DNAJB6: variants seen among roughly 807,000 people sequenced by gnomAD.
DNAJB6 encodes the protein dnaJ homolog subfamily B member 6.
DNAJB6 carries 16 observed loss-of-function variants against 42.7 expected under a neutral mutation model. The observed-to-expected ratio is 0.37, with a 90% CI of 0.25 to 0.57. The LOEUF is 0.57. DNAJB6 is among the 20% of genes least tolerant of loss of function. The pLI is 0.74. For missense variants in DNAJB6, 347 were observed against 416.8 expected (o/e 0.83, Z 1.46); for synonymous variants, 170 against 163.5 (o/e 1.04, Z -0.30).
chr7:157,386,948 C>A (rs989777799), intron 8 of DNAJB6, among the ~76,000 whole-genome samples: 11 of 151,428 alleles, frequency 7.3e-5, no homozygotes, highest in African/African-American at 2.7e-4. Flanking sequence ...TAATATCTTT[C>A]ATGATTACCA....
rs369130889 is a variant in DNAJB6, at chr7:157,398,192, T to G, written c.692-11603T>G. On this transcript the variant is annotated intron_variant, in intron 8 of 9. Transcript: ENST00000262177. ...CACATTGTTTGGAGTCTGTCCACCC[T>G]TGAGCTCCCTAGGAGTGAGGGCAGG... is the stretch of plus-strand genomic sequence containing the variant. 1.6e-3 allele frequency among the ~76,000 whole-genome samples: 250 copies of G among 152,344 alleles called. 2 individuals carry two copies. The highest frequency in any genetic ancestry group is 4.7e-3 in the Admixed American group (72 of 15,304).
intron 1 of DNAJB6, among the ~76,000 whole-genome samples, chr7:157,358,121 G>A (rs1037932592): frequency 5.3e-5 from 8 of 152,180 alleles, no homozygotes; most frequent in African/African-American, 1.9e-4. Flanking sequence ...GGGACAACGT[G>A]TTTGTCCTTG....
chr7:157,387,137 G>A (rs1051768228), intron 8 of DNAJB6, among the ~76,000 whole-genome samples: 3 of 152,188 alleles, frequency 2.0e-5, no homozygotes, highest in South Asian at 2.1e-4. Context: ...CTCGGGATAC[G>A]CCAGAGCCCT....
rs1796103910 is a variant in DNAJB6 at position 157,416,176 on chromosome 7, A to G, written c.*78A>G. 6.4e-7 allele frequency: 1 copy of G among 1,561,306 alleles called. No homozygotes were observed. Among genetic ancestry groups the G allele is most frequent in the East Asian group, 2.4e-5 (1 of 41,710 alleles). On this transcript the variant is annotated 3_prime_UTR_variant, in exon 10 of 10. Coordinates refer to ENST00000262177, the MANE Select transcript of DNAJB6 (RefSeq NM_058246.4). ...CGGCATGCGGTCGTGCACACGCGCT[A>G]GGTAGCAGCGTCGGTCAGGACTGTC...
chr7:157,399,503 A>G (rs967404486), intron 8 of DNAJB6, among the ~76,000 whole-genome samples: 2 of 152,218 alleles, frequency 1.3e-5, no homozygotes, highest in South Asian at 2.1e-4. Flanking sequence ...TGCAGCGCTC[A>G]GTGCTGGGAT....
chr7:157,351,039 A>G (rs763509324), intron 1 of DNAJB6, among the ~76,000 whole-genome samples: 3 of 151,852 alleles, frequency 2.0e-5, no homozygotes, highest in African/African-American at 4.8e-5. Context: ...GGTTCAAGCA[A>G]TTCTCCTGCC....
chr7:157,343,114 T>G (rs2116858484), intron 1 of DNAJB6, among the ~76,000 whole-genome samples: 1 of 152,110 alleles, frequency 6.6e-6, no homozygotes, highest in East Asian at 1.9e-4. Context: ...GCTTCAGCCT[T>G]CTTTCTGAGT....
intron 2 of DNAJB6, among the ~76,000 whole-genome samples, chr7:157,360,049 G>C (rs889839243): frequency 3.9e-5 from 6 of 152,210 alleles, no homozygotes; most frequent in African/African-American, 1.4e-4. Context: ...ATAAGACGAA[G>C]ACAGTTGGGA....
At chr7:157,406,322 C>T (rs1795766013) in intron 8 of DNAJB6, among the ~76,000 whole-genome samples, 3 of 152,236 alleles carry the variant, frequency 2.0e-5, no homozygotes, top group Admixed American at 2.0e-4. Context: ...CATCTTCTTT[C>T]CTCAAGTCAC....
At chr7:157,338,627 C>T (rs924995012) in intron 1 of DNAJB6, among the ~76,000 whole-genome samples, 16 of 152,352 alleles carry the variant, frequency 1.1e-4, no homozygotes, top group South Asian at 8.3e-4. Flanking sequence ...AGCCACCGCG[C>T]CTCGCCGACT....
intron 1 of DNAJB6, among the ~76,000 whole-genome samples, chr7:157,348,671 C>A (rs1487358184): frequency 6.6e-6 from 1 of 152,060 alleles, no homozygotes; most frequent in Admixed American, 6.6e-5. Flanking sequence ...TTTCCACATA[C>A]TCCTGTTGAG....
intron 1 of DNAJB6, among the ~76,000 whole-genome samples, chr7:157,340,684 T>G (rs533731455): frequency 3.5e-4 from 53 of 152,336 alleles, no homozygotes; most frequent in African/African-American, 1.2e-3. Context: ...GTTGACTGAC[T>G]GATTTACTTG....
At chr7:157,357,260 TTCCGTCCTTCCTTCCGTCCTTCCTTCCG>T (rs1799339621) in intron 1 of DNAJB6, among the ~76,000 whole-genome samples, 1 of 71,516 alleles carries the variant, frequency 1.4e-5, no homozygotes, top group African/African-American at 5.0e-5. Flanking sequence ...CCTTCCTTCC[TTCCGTCCTTCCTTCCGTCCTTCCTTCCG>T]TCCTTCCTTC....
chr7:157,363,791 T>C (rs895704335), intron 3 of DNAJB6, among the ~76,000 whole-genome samples: 1 of 152,168 alleles, frequency 6.6e-6, no homozygotes, highest in African/African-American at 2.4e-5. Flanking sequence ...AGGTGTTCTA[T>C]GTTACTGGAA....
intron 8 of DNAJB6, among the ~76,000 whole-genome samples, chr7:157,388,864 A>G (rs1269423843): frequency 2.6e-5 from 4 of 152,108 alleles, no homozygotes; most frequent in Non-Finnish European, 5.9e-5. Flanking sequence ...TGAGTGATGG[A>G]TTATTCCTTA....
intron 1 of DNAJB6, among the ~76,000 whole-genome samples, chr7:157,338,514 A>T (rs1185210627): frequency 6.6e-6 from 1 of 152,010 alleles, no homozygotes; most frequent in Non-Finnish European, 1.5e-5. Flanking sequence ...TTGTATTTTT[A>T]GTAGAGACGG....
Position 157,344,388 on chromosome 7 carries a change from C to CT in DNAJB6, c.-27+7245dup, listed in dbSNP as rs556425364. Among the ~76,000 whole-genome samples the CT allele has an allele frequency of 2.4e-3, 368 of 151,940 alleles. 1 individual carries two copies. Among genetic ancestry groups the CT allele is most frequent in the Non-Finnish European group, 4.1e-3 (280 of 67,952 alleles). On this transcript the variant is annotated intron_variant, in intron 1 of 9. Coordinates refer to ENST00000262177, the MANE Select transcript of DNAJB6 (RefSeq NM_058246.4). ...AATAGCCAGGCATTGTGGGACACAC[C>CT]TGTAGTCCCAGGTACTCGGGAGGCT...
chr7:157,402,805 A>G (rs1162906867), intron 8 of DNAJB6, among the ~76,000 whole-genome samples: 1 of 152,206 alleles, frequency 6.6e-6, no homozygotes, highest in East Asian at 1.9e-4. Flanking sequence ...GGCAGGGTAA[A>G]CCGGAACGTT....
intron 8 of DNAJB6, among the ~76,000 whole-genome samples, chr7:157,408,599 G>A (rs1424394673): frequency 6.6e-6 from 1 of 152,244 alleles, no homozygotes; most frequent in Admixed American, 6.5e-5. Flanking sequence ...GGGACAGCCT[G>A]AGAGCAGGTT....
Sources: allele counts gnomAD v4.1 joint callset (sites outside exome capture counted in the v4.1 genomes callset), GRCh38; gene constraint gnomAD v4.1.1; transcripts MANE v1.5; gene names NCBI Gene and HGNC (gene_info 2026-07-23, HGNC 2026-07-21).